KATNAL2: variants seen among roughly 807,000 people sequenced by gnomAD.
The protein encoded by KATNAL2 is katanin catalytic subunit A1 like 2, also known as katanin p60 ATPase-containing subunit A-like 2.
In KATNAL2, 52 loss-of-function variants were observed where a neutral mutation model predicts 76.3. That is an observed-to-expected ratio of 0.68 (90% confidence interval 0.55 to 0.86). The LOEUF (loss-of-function observed/expected upper bound fraction) is 0.86, where lower values mean the gene tolerates loss of function less well. KATNAL2 is among the 40% of genes least tolerant of loss of function. The pLI, the probability that KATNAL2 is intolerant of heterozygous loss-of-function variation, is 0.00. For synonymous variants in KATNAL2, 243 were observed against 244.2 expected (o/e 1.00, Z 0.05); for missense variants, 660 against 668.9 (o/e 0.99, Z 0.15).
chr18:46,923,941 ATTTG>A (rs1396897488), intron 1 of KATNAL2, among the ~76,000 whole-genome samples: 2 of 151,926 alleles, frequency 1.3e-5, no homozygotes, highest in Non-Finnish European at 2.9e-5. Context: ...TTTCTTGTAA[ATTTG>A]TTTGAGTTCA....
chr18:46,919,939 CG>C (rs1159070861), intron 1 of KATNAL2: 1 of 564,814 alleles, frequency 1.8e-6, no homozygotes, highest in African/African-American at 1.9e-5. Flanking sequence ...GAGGAGTTTT[CG>C]GGGAATAGAC....
intron 15 of KATNAL2, among the ~76,000 whole-genome samples, chr18:47,095,221 T>C (rs1427023547): frequency 2.0e-5 from 3 of 152,220 alleles, no homozygotes; most frequent in Non-Finnish European, 4.4e-5. Context: ...GAGGTGATTG[T>C]GTTTATCCCC....
rs1377646583 is a variant in KATNAL2 at position 46,946,817 on chromosome 18, T to TCGAC, written c.-19-36_-19-35insGACC. The TCGAC allele has an allele frequency of 4.0e-6, 6 of 1,515,654 alleles. No homozygotes were observed. In the Admixed American group the frequency reaches 1.2e-4, roughly 30 times the overall value. 93.9% of individuals were successfully genotyped at this position (1,515,654 alleles called of 1,614,324 possible). A position where few individuals can be genotyped will look rare whatever the true frequency, so the allele number is the denominator to read the frequency against. On this transcript the variant is annotated intron_variant, in intron 2 of 17. Coordinates refer to ENST00000683218, the MANE Select transcript of KATNAL2 (RefSeq NM_001387690.1). ...GCGTCAGGTTCCTTGGATCGACCGG[T>TCGAC]CAGCCCAGTAACTGACTACTTTTCT...
chr18:47,069,399 C>G, intron 12 of KATNAL2, 83 bp from the exon 13 acceptor site: 11 of 1,374,494 alleles, frequency 8.0e-6, no homozygotes, highest in Non-Finnish European at 1.0e-5. Flanking sequence ...TCACTTCCTT[C>G]CTTGTGTGTG....
intron 5 of KATNAL2, among the ~76,000 whole-genome samples, chr18:47,054,186 T>C (rs1042296414): frequency 4.6e-5 from 7 of 152,224 alleles, no homozygotes; most frequent in African/African-American, 1.7e-4. Flanking sequence ...AATCTTCCTC[T>C]GTGAGGAGAT....
chr18:46,928,512 G>A (rs8096561), intron 1 of KATNAL2, among the ~76,000 whole-genome samples: 8,710 of 152,222 alleles, frequency 0.057, 519 homozygotes, highest in African/African-American at 0.15. Context: ...GTGCCTGCCA[G>A]TTAGGCTACT....
At chr18:46,943,161 C>T (rs1011910842) in intron 1 of KATNAL2, among the ~76,000 whole-genome samples, 1 of 152,086 alleles carries the variant, frequency 6.6e-6, no homozygotes, top group African/African-American at 2.4e-5. Flanking sequence ...GACTCTCATC[C>T]TTGGCACACA....
At chr18:47,037,120 G>A (rs986700202) in intron 3 of KATNAL2, among the ~76,000 whole-genome samples, 1 of 152,148 alleles carries the variant, frequency 6.6e-6, no homozygotes, top group Non-Finnish European at 1.5e-5. Flanking sequence ...TCTTATTACT[G>A]AAATTGAAAC....
At chr18:46,958,664 C>G (rs1191463759) in intron 3 of KATNAL2, among the ~76,000 whole-genome samples, 1 of 152,190 alleles carries the variant, frequency 6.6e-6, no homozygotes, top group Non-Finnish European at 1.5e-5. Context: ...ACAAATAAGA[C>G]TATACGTAAT....
chr18:47,057,530 G>A (rs1283529533), intron 6 of KATNAL2, among the ~76,000 whole-genome samples: 2 of 152,194 alleles, frequency 1.3e-5, no homozygotes, highest in African/African-American at 4.8e-5. Context: ...CCACCGGCAA[G>A]CTACCTTTGC....
chr18:47,087,448 C>A (rs1039161577), intron 15 of KATNAL2, among the ~76,000 whole-genome samples: 11 of 152,042 alleles, frequency 7.2e-5, no homozygotes, highest in African/African-American at 2.7e-4. Context: ...AACACAGGAA[C>A]AGAAAACCAA....
chr18:47,095,779 A>G (rs1236008572), intron 15 of KATNAL2, among the ~76,000 whole-genome samples: 3 of 152,248 alleles, frequency 2.0e-5, no homozygotes, highest in Non-Finnish European at 2.9e-5. Flanking sequence ...GAACAGCATC[A>G]TTCTTGCTGC....
intron 3 of KATNAL2, among the ~76,000 whole-genome samples, chr18:46,955,105 CCCTT>C (rs10624676): frequency 4.2e-5 from 6 of 143,780 alleles, no homozygotes; most frequent in East Asian, 2.1e-4. Context: ...CTCCCTCCCT[CCCTT>C]CCTTCCTTTT....
chr18:46,969,307 C>T (rs1418991442), intron 3 of KATNAL2: 1 of 1,273,714 alleles, frequency 7.9e-7, no homozygotes, highest in African/African-American at 1.8e-5. Context: ...TCCTAGGCAC[C>T]CGGAGGCACT....
chr18:47,088,187 T>C (rs1376210075), intron 15 of KATNAL2, among the ~76,000 whole-genome samples: 5 of 152,214 alleles, frequency 3.3e-5, no homozygotes, highest in African/African-American at 9.6e-5. Flanking sequence ...TTTGAATCTG[T>C]GCATGTTAGC....
chr18:46,940,450 G>C (rs149583616), intron 1 of KATNAL2, among the ~76,000 whole-genome samples: 4 of 152,346 alleles, frequency 2.6e-5, no homozygotes, highest in Admixed American at 2.6e-4. Context: ...CTCTTTGACA[G>C]AGTTGACAGT....
chr18:47,041,229 C>T (rs1169859232), intron 3 of KATNAL2, among the ~76,000 whole-genome samples: 1 of 152,154 alleles, frequency 6.6e-6, no homozygotes, highest in Admixed American at 6.6e-5. Flanking sequence ...GTCCATTTTA[C>T]ATGAGGGTTC....
intron 1 of KATNAL2, among the ~76,000 whole-genome samples, chr18:46,928,440 T>TG (rs767689239): frequency 2.6e-5 from 4 of 152,272 alleles, no homozygotes; most frequent in Non-Finnish European, 5.9e-5. Flanking sequence ...ATCGTTCCTC[T>TG]GGAAGTTTTG....
intron 3 of KATNAL2, among the ~76,000 whole-genome samples, chr18:46,947,330 G>C (rs2059411526): frequency 6.6e-6 from 1 of 152,196 alleles, no homozygotes; most frequent in Non-Finnish European, 1.5e-5. Context: ...TTCTGATCCT[G>C]ATTTGCCATC....
Sources: allele counts gnomAD v4.1 joint callset (sites outside exome capture counted in the v4.1 genomes callset), GRCh38; gene constraint gnomAD v4.1.1; transcripts MANE v1.5; gene names NCBI Gene and HGNC (gene_info 2026-07-23, HGNC 2026-07-21).